NAA38: variants seen among roughly 807,000 people sequenced by gnomAD.
The protein encoded by NAA38 is LSM domain containing 1.
A neutral mutation model predicts 12.6 loss-of-function variants in NAA38; 15 were observed. The ratio of observed to expected loss-of-function variants is 1.19; its 90% CI spans 0.79 to 1.83. The LOEUF (loss-of-function observed/expected upper bound fraction) is 1.83. Among genes scored for constraint, NAA38 ranks in the 40% most tolerant of loss-of-function variants. The pLI is 0.00. For synonymous variants in NAA38, 88 were observed against 69.9 expected, an observed-to-expected ratio of 1.26 and a Z score of -1.29; for missense variants, 183 against 171.7, an observed-to-expected ratio of 1.07 and a Z score of -0.37.
chr17:7,870,027 A>C (rs1271237557), intron 2 of NAA38, among the ~76,000 whole-genome samples: 2 of 152,232 alleles, frequency 1.3e-5, no homozygotes, highest in East Asian at 3.8e-4. Context: ...TTAAAAAGCA[A>C]TGTCAAATGG....
At chr17:7,862,188 C>T (rs1332413550), upstream of NAA38, 2 of 152,158 alleles carry the variant, frequency 1.3e-5, no homozygotes, top group African/African-American at 4.8e-5. Context: ...ATTGTAAGCT[C>T]ACGAGGGCAG....
chr17:7,861,590 C>G (rs573313512), upstream of NAA38: 2 of 152,346 alleles, frequency 1.3e-5, no homozygotes, highest in South Asian at 4.1e-4. Context: ...CCAGAGACTC[C>G]TACTTCAATG....
intron 1 of NAA38, chr17:7,885,007 C>G: frequency 8.1e-7 from 1 of 1,238,386 alleles, no homozygotes; most frequent in Non-Finnish European, 1.0e-6. Flanking sequence ...GCCACAGCCC[C>G]CCCGGCTGCC....
chr17:7,857,214 C>T lies in NAA38; in HGVS notation c.82-16G>A. ...CGTCCGAATCCTGCGCGGGGTGTAA[C>T]AAGCGCTCAGACCGCGCAGCCCAGG... On this transcript the variant is annotated splice_polypyrimidine_tract_variant and intron_variant, in intron 1 of 2. Transcript: ENST00000575771. 6.2e-7 allele frequency: 1 copy of T among 1,612,786 alleles called. No homozygotes were observed. The highest frequency in any genetic ancestry group is 2.2e-5 in the East Asian group (1 of 44,830).
intron 2 of NAA38, among the ~76,000 whole-genome samples, chr17:7,869,725 T>C (rs1967052509): frequency 1.3e-5 from 2 of 151,950 alleles, no homozygotes; most frequent in African/African-American, 4.8e-5. Flanking sequence ...ATCACACCAC[T>C]GCATTCCAGC....
chr17:7,875,190 G>C (rs1055785833), intron 2 of NAA38, among the ~76,000 whole-genome samples: 1 of 152,012 alleles, frequency 6.6e-6, no homozygotes, highest in Non-Finnish European at 1.5e-5. Flanking sequence ...GCAAGACCCT[G>C]TCTCTAAAAC....
At chr17:7,878,782 G>A (rs1326320416) in intron 2 of NAA38, among the ~76,000 whole-genome samples, 2 of 152,118 alleles carry the variant, frequency 1.3e-5, no homozygotes, top group African/African-American at 2.4e-5. Context: ...AGAAGTACAT[G>A]TTGAAAATTT....
chr17:7,863,570 T>G (rs553923924), intron 3 of NAA38: 1 of 152,244 alleles, frequency 6.6e-6, no homozygotes, highest in Admixed American at 6.5e-5. Flanking sequence ...AAGGCTTAAG[T>G]TATGGTATAG....
upstream of NAA38, chr17:7,858,743 T>C (rs1454371400): frequency 6.9e-6 from 11 of 1,603,876 alleles, no homozygotes; most frequent in Non-Finnish European, 9.4e-6. Context: ...AGGGGTCGTA[T>C]TATGAGGTGG....
At chr17:7,883,550 G>A (rs1967355537) in intron 1 of NAA38, among the ~76,000 whole-genome samples, 2 of 151,912 alleles carry the variant, frequency 1.3e-5, no homozygotes, top group Non-Finnish European at 2.9e-5. Flanking sequence ...CTGGGTAAAG[G>A]GGAGAATCAA....
intron 1 of NAA38, chr17:7,885,046 GCCA>G: frequency 2.9e-6 from 3 of 1,049,086 alleles, no homozygotes; most frequent in Non-Finnish European, 3.4e-6. Flanking sequence ...CGCCGCCGCC[GCCA>G]CCGCTGCCCC....
rs149705374 is a variant in NAA38, at chr17:7,867,263, TA to T, written c.-65-706del. 8.7e-3 allele frequency among the ~76,000 whole-genome samples: 1,318 copies of T among 151,454 alleles called. 26 individuals are homozygous for T. The highest frequency in any genetic ancestry group is 0.029 in the African/African-American group (1,180 of 41,294). Reference sequence around the variant, plus strand: ...AGGCTTTGTAAACCAGGTTAAGTTTTATTTTTTTTTAATTGAGACATAATTC... The same window carrying T: ...AGGCTTTGTAAACCAGGTTAAGTTTTTTTTTTTTTAATTGAGACATAATTC... On this transcript the variant is annotated intron_variant, in intron 2 of 4. Transcript: ENST00000576861.
Position 7,857,296 on chromosome 17 carries a change from CAG to C in NAA38, c.81+85_81+86del, listed in dbSNP as rs747350902. On this transcript the variant is annotated intron_variant, in intron 1 of 2. Transcript: ENST00000575771. Reference sequence around the variant, plus strand: ...GCCCGCGGGGCACTCACACAAAGCCCAGAGGCTGCCGGGAGCTGCAGTTCCCC... The same window carrying C: ...GCCCGCGGGGCACTCACACAAAGCCCAGGCTGCCGGGAGCTGCAGTTCCCC... The C allele has an allele frequency of 5.8e-5, 94 of 1,612,082 alleles. No homozygotes were observed. In the Middle Eastern group the frequency reaches 8.2e-4, roughly 14 times the overall value.
chr17:7,859,538 T>C, upstream of NAA38: 1 of 1,614,220 alleles, frequency 6.2e-7, no homozygotes, highest in Admixed American at 1.7e-5. Context: ...AGAATTTGAC[T>C]ATCTCAGTAT....
At chr17:7,858,712 A>G (rs2078856480), upstream of NAA38, 2 of 1,610,356 alleles carry the variant, frequency 1.2e-6, no homozygotes, top group Admixed American at 1.7e-5. Context: ...TGGGCCAACG[A>G]TTTTGGGAAG....
At chr17:7,861,308 C>G (rs1039493629), upstream of NAA38, 1 of 152,100 alleles carries the variant, frequency 6.6e-6, no homozygotes, top group Non-Finnish European at 1.5e-5. Context: ...GAGGCATGAA[C>G]AAAGGTGGAA....
chr17:7,859,688 TG>T, upstream of NAA38: 1 of 1,407,088 alleles, frequency 7.1e-7, no homozygotes, highest in Non-Finnish European at 1.0e-6. Context: ...GGAAAAGTGG[TG>T]GGGCCGAGGG....
rs57414300 is a variant in NAA38, at chr17:7,878,381, TAA to T, written c.-66+4852_-66+4853del. Among the ~76,000 whole-genome samples, 136 of 145,502 alleles carry T rather than the reference TAA, an allele frequency of 9.3e-4. 1 individual carries two copies. Among genetic ancestry groups the T allele is most frequent in the Non-Finnish European group, 2.7e-4 (18 of 65,944 alleles). On this transcript the variant is annotated intron_variant, in intron 2 of 4. Transcript: ENST00000576861. ...TTAGATTTTAATGATCAATAAAATG[TAA>T]AAAAAAAAAAAGTTAGTGATCAACA...
intron 2 of NAA38, among the ~76,000 whole-genome samples, chr17:7,875,684 C>T (rs1017100961): frequency 4.6e-5 from 7 of 152,110 alleles, no homozygotes; most frequent in Admixed American, 2.0e-4. Flanking sequence ...CCTTATTCAC[C>T]ATTTTAAAGT....
Sources: gnomAD v4.1 joint callset for allele counts (sites outside exome capture counted in the v4.1 genomes callset) on GRCh38, gnomAD v4.1.1 for gene constraint, MANE v1.5 for transcripts, NCBI Gene and HGNC (gene_info 2026-07-23, HGNC 2026-07-21) for gene names.